Variants in ADAM10 observed in about 807,000 individuals in gnomAD.
The protein encoded by ADAM10 is ADAM metallopeptidase domain 10.
ADAM10 carries 17 observed loss-of-function variants against 90.1 expected under a neutral mutation model. That is an observed-to-expected ratio of 0.19 (90% CI 0.13 to 0.28). The LOEUF (loss-of-function observed/expected upper bound fraction) is 0.28, where lower values mean the gene tolerates loss of function less well. Ranked by LOEUF, ADAM10 falls within the 10% of genes least tolerant of loss-of-function variation. ADAM10 has a pLI of 1.00. For synonymous variants in ADAM10, 310 were observed against 298.6 expected, an observed-to-expected ratio of 1.04 and a Z score of -0.40; for missense variants, 610 against 914.3, an observed-to-expected ratio of 0.67 and a Z score of 4.29.
At chr15:58,639,236 C>G (rs1256315956) in intron 8 of ADAM10, among the ~76,000 whole-genome samples, 2 of 152,174 alleles carry the variant, frequency 1.3e-5, no homozygotes, top group African/African-American at 4.8e-5. Flanking sequence ...GGCTCCACAT[C>G]TATAGTTTCT....
At chr15:58,687,336 G>A (rs1396925552) in intron 2 of ADAM10, among the ~76,000 whole-genome samples, 1 of 152,160 alleles carries the variant, frequency 6.6e-6, no homozygotes, top group Non-Finnish European at 1.5e-5. Flanking sequence ...AGCTGTGGCT[G>A]TACTTAAAGA....
chr15:58,741,149 C>A (rs1275784410), intron 1 of ADAM10, among the ~76,000 whole-genome samples: 2 of 152,116 alleles, frequency 1.3e-5, no homozygotes, highest in Admixed American at 1.3e-4. Context: ...ATCATCAATA[C>A]AAGCAAAAAC....
intron 5 of ADAM10, among the ~76,000 whole-genome samples, chr15:58,664,611 TTA>T (rs1379435359): frequency 1.3e-5 from 2 of 152,138 alleles, no homozygotes; most frequent in Non-Finnish European, 2.9e-5. Context: ...CATTTTGAAC[TTA>T]TGTTTTGAAT....
Position 58,711,346 on chromosome 15 carries a change from T to C in ADAM10, c.206+6231A>G, listed in dbSNP as rs182579978. ...TAGTGTTTTAATGTTTTAAACTTAGTATACTAATATATTTTGTAGAATTTT... is the reference window on the plus strand; with the variant it reads ...TAGTGTTTTAATGTTTTAAACTTAGCATACTAATATATTTTGTAGAATTTT... On this transcript the variant is annotated intron_variant, in intron 2 of 15. Transcript: ENST00000260408. Among the ~76,000 whole-genome samples, 66 of 152,320 alleles carry C rather than the reference T, an allele frequency of 4.3e-4. 1 individual carries two copies. In the South Asian group the frequency reaches 9.5e-3, roughly 22 times the overall value.
chr15:58,617,419 T>C (rs1350934661), intron 11 of ADAM10, among the ~76,000 whole-genome samples: 4 of 152,058 alleles, frequency 2.6e-5, no homozygotes, highest in Admixed American at 6.5e-5. Context: ...AGTAACAAGA[T>C]TGAATCAGTA....
At position 58,708,207 on chromosome 15, in the gene ADAM10, TAAC is replaced by T; in HGVS notation, c.206+9367_206+9369del. Among the ~76,000 whole-genome samples the T allele has an allele frequency of 2.0e-5, 3 of 152,352 alleles. No individual in the cohort carries two copies. The East Asian group carries it at 5.8e-4, about 29-fold the overall frequency. On this transcript the variant is annotated intron_variant, in intron 2 of 15. Coordinates refer to ENST00000260408, the MANE Select transcript of ADAM10 (RefSeq NM_001110.4). ...TAACAATCACCTAAATTTACTAATT[TAAC>T]AAACTGATGAAGTGGACTTGACCAA... is the stretch of plus-strand genomic sequence containing the variant.
intron 13 of ADAM10, 131 bp from the exon 14 acceptor site, chr15:58,610,648 T>C: frequency 2.3e-6 from 2 of 883,710 alleles, no homozygotes; most frequent in South Asian, 1.4e-5. Flanking sequence ...ATACAGACCT[T>C]CTCTAGTTAG....
chr15:58,685,581 T>TA (rs1377260238), intron 2 of ADAM10, among the ~76,000 whole-genome samples: 1 of 133,212 alleles, frequency 7.5e-6, no homozygotes, highest in African/African-American at 2.7e-5. Context: ...TATATATATA[T>TA]ATGTATATAT....
At chr15:58,659,856 G>C (rs1227848032) in intron 5 of ADAM10, among the ~76,000 whole-genome samples, 1 of 152,162 alleles carries the variant, frequency 6.6e-6, no homozygotes, top group Non-Finnish European at 1.5e-5. Flanking sequence ...AGCCTCCCCA[G>C]TAGCTGGGAC....
At chr15:58,743,080 A>G (rs1461626725) in intron 1 of ADAM10, among the ~76,000 whole-genome samples, 1 of 152,068 alleles carries the variant, frequency 6.6e-6, no homozygotes, top group African/African-American at 2.4e-5. Flanking sequence ...AACAACAACA[A>G]AAACCTGGGC....
At chr15:58,704,950 G>A (rs547745756) in intron 2 of ADAM10, among the ~76,000 whole-genome samples, 4 of 152,228 alleles carry the variant, frequency 2.6e-5, no homozygotes, top group East Asian at 3.9e-4. Flanking sequence ...TAACACATGC[G>A]GAGTGTTGTA....
intron 2 of ADAM10, among the ~76,000 whole-genome samples, chr15:58,688,661 G>A (rs572513028): frequency 1.3e-5 from 2 of 150,116 alleles, no homozygotes; most frequent in African/African-American, 2.4e-5. Flanking sequence ...TGTCGAAAGA[G>A]GGGAGGGAAG....
chr15:58,643,957 T>C lies in ADAM10; in HGVS notation c.757A>G (p.Ile253Val), dbSNP rs1188557092. 5 of 1,611,730 alleles carry C rather than the reference T, an allele frequency of 3.1e-6. No individual in the cohort carries two copies. Among genetic ancestry groups the C allele is most frequent in the African/African-American group, 1.3e-5 (1 of 74,884 alleles). ...IAQISSHVKA[I>V]DTIYQTTDFS... ...TCTGTGGTCTGGTAAATTGTATCAA[T>C]CGCTTTAACATGACTGGATATCTAT... is the stretch of plus-strand genomic sequence containing the variant. The change falls in exon 7 of 16, where the codon ATT (isoleucine) becomes GTT (valine). Residue 253 changes from isoleucine (I) to valine (V), a missense_variant. By Grantham distance (29) the Ile-to-Val change is conservative (BLOSUM62 3). This residue lies in a region of ADAM10 where 310 missense variants were observed against 362.4 expected (regional missense o/e 0.86). Transcript: ENST00000260408.
chr15:58,643,877 G>T lies in ADAM10; in HGVS notation c.828+9C>A. 1 of 1,596,664 alleles carries T rather than the reference G, an allele frequency of 6.3e-7. No homozygotes were observed. The highest frequency in any genetic ancestry group is 8.6e-7 in the Non-Finnish European group (1 of 1,164,240). On this transcript the variant is annotated intron_variant, in intron 7 of 15. Coordinates refer to ENST00000260408, the MANE Select transcript of ADAM10 (RefSeq NM_001110.4). ...TTTTTAAGTGTTTTTAACTATTTAAGTTCCTTACTCTTATGCGTTTCACCA... is the reference window on the plus strand; with the variant it reads ...TTTTTAAGTGTTTTTAACTATTTAATTTCCTTACTCTTATGCGTTTCACCA...
intron 8 of ADAM10, among the ~76,000 whole-genome samples, chr15:58,640,152 A>G (rs1252127355): frequency 1.3e-5 from 2 of 152,220 alleles, no homozygotes; most frequent in African/African-American, 4.8e-5. Flanking sequence ...AACATTATCA[A>G]TGACAATAGC....
At chr15:58,730,304 G>A (rs1884288756) in intron 1 of ADAM10, among the ~76,000 whole-genome samples, 1 of 152,268 alleles carries the variant, frequency 6.6e-6, no homozygotes, top group South Asian at 2.1e-4. Context: ...GTAGAAGAAG[G>A]GTTGGCAAAC....
chr15:58,619,133 T>TG (rs1895704213), intron 11 of ADAM10, among the ~76,000 whole-genome samples: 1 of 149,844 alleles, frequency 6.7e-6, no homozygotes. Flanking sequence ...AAAGAAAAGG[T>TG]GGTATATATT....
At chr15:58,682,429 T>C (rs1236953135) in intron 2 of ADAM10, 115 bp from the exon 3 acceptor site, 3 of 1,455,942 alleles carry the variant, frequency 2.1e-6, no homozygotes, top group African/African-American at 1.4e-5. Context: ...AATTTGTCTA[T>C]TTGTGAAATA....
chr15:58,617,267 A>T (rs1219255337), intron 11 of ADAM10, among the ~76,000 whole-genome samples: 1 of 152,122 alleles, frequency 6.6e-6, no homozygotes, highest in South Asian at 2.1e-4. Flanking sequence ...GATACCACAA[A>T]AATACAAAGA....
Sources: allele counts gnomAD v4.1 joint callset (sites outside exome capture counted in the v4.1 genomes callset), GRCh38; gene constraint gnomAD v4.1.1; regional missense constraint gnomAD v4.1.1; transcripts MANE v1.5; gene names NCBI Gene and HGNC (gene_info 2026-07-23, HGNC 2026-07-21).